SCRG1: variants seen among roughly 807,000 people sequenced by gnomAD.
SCRG1 encodes stimulator of chondrogenesis 1.
In SCRG1, 3 loss-of-function variants were observed where a neutral mutation model predicts 7.7. The observed-to-expected ratio is 0.39, with a 90% CI of 0.18 to 1.01. SCRG1 has a LOEUF of 1.01. Ranked by LOEUF, SCRG1 falls within the 50% of genes least tolerant of loss-of-function variation. The probability of loss-of-function intolerance (pLI) is 0.36; values close to 1 mark genes in which losing one functional copy is unlikely to be tolerated. For missense variants in SCRG1, 110 were observed against 117.2 expected (o/e 0.94, Z 0.28); for synonymous variants, 46 against 41.2 (o/e 1.12, Z -0.44).
the SCRG1 span, among the ~76,000 whole-genome samples, chr4:173,483,277 A>ATATATC: frequency 3.2e-4 from 13 of 40,570 alleles, 1 homozygote; most frequent in Non-Finnish European, 4.9e-4. Context: ...TATGATATAT[A>ATATATC]ATATATGATA....
the SCRG1 span, among the ~76,000 whole-genome samples, chr4:173,470,441 C>T: frequency 2.9e-3 from 439 of 152,256 alleles, no homozygotes; most frequent in African/African-American, 0.01. Flanking sequence ...ACGTGTCAGG[C>T]AGTCTTTGGT....
chr4:173,503,534 G>A, the SCRG1 span, among the ~76,000 whole-genome samples: 13 of 152,254 alleles, frequency 8.5e-5, no homozygotes, highest in Non-Finnish European at 1.8e-4. This position sits in a 1 kb window ranked among gnomAD's most constrained non-coding sequence, Gnocchi z 6.4. Context: ...GCTACACCTC[G>A]CCATGCATGG....
the SCRG1 span, among the ~76,000 whole-genome samples, chr4:173,435,440 C>T: frequency 2.6e-5 from 4 of 152,242 alleles, no homozygotes; most frequent in South Asian, 4.2e-4. Context: ...ACCGGGGCTC[C>T]GAGGGGTGCC....
At chr4:173,443,360 A>G in the SCRG1 span, among the ~76,000 whole-genome samples, 292 of 152,366 alleles carry the variant, frequency 1.9e-3, 5 homozygotes, top group African/African-American at 6.5e-3. Flanking sequence ...TAAAGAAGAC[A>G]TAAGAAAGCC....
At chr4:173,479,928 C>T in the SCRG1 span, among the ~76,000 whole-genome samples, 32 of 152,184 alleles carry the variant, frequency 2.1e-4, no homozygotes, top group East Asian at 3.3e-3. Context: ...AAACCAGGCT[C>T]AATGTGATCC....
the SCRG1 span, chr4:173,468,108 A>G: frequency 3.3e-5 from 5 of 152,780 alleles, no homozygotes; most frequent in African/African-American, 1.2e-4. Context: ...CCACATAACA[A>G]TGTTTCCATC....
chr4:173,409,988 A>G (rs1223191023), upstream of SCRG1, among the ~76,000 whole-genome samples: 1 of 152,176 alleles, frequency 6.6e-6, no homozygotes, highest in Non-Finnish European at 1.5e-5. Context: ...TCTTTTCAGT[A>G]TCCCCCTGAC....
At chr4:173,390,957 A>G (rs930272312) in intron 2 of SCRG1, among the ~76,000 whole-genome samples, 1 of 152,206 alleles carries the variant, frequency 6.6e-6, no homozygotes, top group African/African-American at 2.4e-5. Flanking sequence ...GATTTAATTT[A>G]CTTTTATTAA....
At position 173,384,814 on chromosome 4, in the gene SCRG1, A is replaced by G. The variant is rs917870316; in HGVS notation, c.*3527T>C. ...TCACAGTAAGAACAATGATATAGAA[A>G]GTCAAAGATAACAATACAGAAATAC... On this transcript the variant is annotated 3_prime_UTR_variant, in exon 3 of 3. Transcript: ENST00000296506. The G allele has an allele frequency of 1.3e-5, 2 of 152,264 alleles. No homozygotes were observed. The highest frequency in any genetic ancestry group is 1.3e-4 in the Admixed American group (2 of 15,282). 9.4% of individuals were successfully genotyped at this position (152,264 alleles called of 1,614,324 possible). A position where few individuals can be genotyped will look rare whatever the true frequency, so the allele number is the denominator to read the frequency against.
chr4:173,516,133 C>T, the SCRG1 span, among the ~76,000 whole-genome samples: 20 of 152,154 alleles, frequency 1.3e-4, no homozygotes, highest in Non-Finnish European at 2.6e-4. Context: ...GGCTTCCTTC[C>T]GAGCACTTCT....
chr4:173,446,337 A>G, the SCRG1 span, among the ~76,000 whole-genome samples: 5 of 152,216 alleles, frequency 3.3e-5, no homozygotes, highest in Non-Finnish European at 5.9e-5. Context: ...GCACTTTAGC[A>G]TGAAACAAGG....
chr4:173,449,225 T>C, the SCRG1 span, among the ~76,000 whole-genome samples: 1 of 152,174 alleles, frequency 6.6e-6, no homozygotes, highest in African/African-American at 2.4e-5. Context: ...ATAAATAACT[T>C]GAGAAGCTCT....
At chr4:173,463,660 C>T in the SCRG1 span, among the ~76,000 whole-genome samples, 1 of 152,174 alleles carries the variant, frequency 6.6e-6, no homozygotes, top group Admixed American at 6.5e-5. Context: ...TGGTCATTAG[C>T]TCCAAATAAA....
the SCRG1 span, among the ~76,000 whole-genome samples, chr4:173,448,250 A>G: frequency 6.6e-5 from 10 of 152,048 alleles, no homozygotes; most frequent in African/African-American, 1.4e-4. Flanking sequence ...CTCAAGGCCA[A>G]CTGGAGTTGG....
chr4:173,439,625 T>C, the SCRG1 span, among the ~76,000 whole-genome samples: 78 of 151,774 alleles, frequency 5.1e-4, 1 homozygote, highest in Non-Finnish European at 1.1e-3. Flanking sequence ...TTATTATAAA[T>C]ATGTAATTGC....
chr4:173,464,359 G>A, the SCRG1 span, among the ~76,000 whole-genome samples: 8 of 152,146 alleles, frequency 5.3e-5, no homozygotes, highest in Non-Finnish European at 1.2e-4. Flanking sequence ...TGTTTATTCA[G>A]GGTTTTCAGG....
At chr4:173,438,457 A>G in the SCRG1 span, among the ~76,000 whole-genome samples, 1 of 152,114 alleles carries the variant, frequency 6.6e-6, no homozygotes, top group Non-Finnish European at 1.5e-5. Flanking sequence ...TGCAGTTTCA[A>G]CTAAATCTCA....
chr4:173,484,504 T>C, the SCRG1 span, among the ~76,000 whole-genome samples: 2 of 73,648 alleles, frequency 2.7e-5, no homozygotes, highest in Non-Finnish European at 4.6e-5. Flanking sequence ...TAATATATAT[T>C]ATATATTATA....
At chr4:173,464,761 A>G in the SCRG1 span, among the ~76,000 whole-genome samples, 1 of 152,204 alleles carries the variant, frequency 6.6e-6, no homozygotes, top group Non-Finnish European at 1.5e-5. Flanking sequence ...AAAGAATTTA[A>G]AGGAGAGACT....
Sources: allele counts gnomAD v4.1 joint callset (sites outside exome capture counted in the v4.1 genomes callset), GRCh38; gene constraint gnomAD v4.1.1; non-coding constraint Gnocchi (gnomAD v3.1); transcripts MANE v1.5; gene names NCBI Gene and HGNC (gene_info 2026-07-23, HGNC 2026-07-21).